The following CHRNB1 variants were observed in gnomAD, a reference collection of about 807,000 sequenced individuals.
CHRNB1 encodes the protein cholinergic receptor nicotinic beta 1 subunit, also known as acetylcholine receptor subunit beta.
A neutral mutation model predicts 53.8 loss-of-function variants in CHRNB1; 47 were observed. The observed-to-expected ratio is 0.87, with a 90% CI of 0.69 to 1.11. CHRNB1 has a LOEUF of 1.11. CHRNB1 is among the 50% of genes most tolerant of loss of function. CHRNB1 has a pLI of 0.00. For synonymous variants in CHRNB1, 259 were observed against 263.5 expected, an observed-to-expected ratio of 0.98 and a Z score of 0.16; for missense variants, 605 against 654.9, an observed-to-expected ratio of 0.92 and a Z score of 0.83.
rs955666458 is a variant in CHRNB1, at chr17:7,455,530, C to T, written c.1217+74C>T. The T allele has an allele frequency of 3.8e-6, 6 of 1,570,570 alleles. No individual in the cohort carries two copies. The East Asian group carries it at 9.0e-5, about 23-fold the overall frequency. ...TTCCCAGAAGAGTGTGCGGAAGAAGCGGCCCATGCTCTCGGAAGACGCTGT... is the reference window on the plus strand; with the variant it reads ...TTCCCAGAAGAGTGTGCGGAAGAAGTGGCCCATGCTCTCGGAAGACGCTGT... On this transcript the variant is annotated intron_variant, in intron 9 of 10. Coordinates refer to ENST00000306071, the MANE Select transcript of CHRNB1 (RefSeq NM_000747.3).
In CHRNB1 at chr17:7,447,227, C is replaced by A; in HGVS notation, c.462+76C>A. On this transcript the variant is annotated intron_variant, in intron 5 of 10. Transcript: ENST00000306071. The stretch of plus-strand genomic sequence containing the variant: ...TTCCTTAGACATCCTGACTCCCCGG[C>A]GACTCCCATCCTTCATCCTTCCCCC... 5.0e-6 allele frequency: 6 copies of A among 1,189,966 alleles called. 1 individual carries two copies. The highest frequency in any genetic ancestry group is 3.7e-6 in the Non-Finnish European group (3 of 809,878). The allele number at this position is 1,189,966 out of a possible 1,614,324, so 73.7% of individuals were successfully genotyped here. A position where few individuals can be genotyped will look rare whatever the true frequency, so the allele number is the denominator to read the frequency against.
rs760206481 is a variant in CHRNB1 at position 7,446,981 on chromosome 17, C to T, written c.353+39C>T. ...CAAAGCCCGGGAGGTGGCGCGGGGC[C>T]TCGGGGGGCGGGGGGCCTCCGGGCG... On this transcript the variant is annotated intron_variant, in intron 4 of 10. Transcript: ENST00000306071. The T allele has an allele frequency of 1.9e-5, 30 of 1,568,114 alleles. No homozygotes were observed. The Admixed American group carries it at 2.5e-4, about 13-fold the overall frequency.
In CHRNB1 at chr17:7,455,920, G is replaced by A; in HGVS notation, c.1344G>A (p.Gln448=). ...SSISYIARQL[Q]EQEDHDALKE... ...TCAGCTACATCGCTCGACAGCTGCA[G>A]GAACAGGAGGACCACGATGCGGTAT... The change falls in exon 10 of 11, where the codon CAG becomes CAA. Residue 448 remains glutamine (Q), a synonymous_variant. Transcript: ENST00000306071. 1.2e-6 allele frequency: 2 copies of A among 1,614,124 alleles called. No individual in the cohort carries two copies. Among genetic ancestry groups the A allele is most frequent in the Non-Finnish European group, 1.7e-6 (2 of 1,180,028 alleles).
At chr17:7,448,862 G>GAAAACCCTGCCT in intron 7 of CHRNB1, 74 bp downstream of exon 7, 1 of 1,517,118 alleles carries the variant, frequency 6.6e-7, no homozygotes, top group Non-Finnish European at 9.1e-7. Context: ...ATCCAGGCAG[G>GAAAACCCTGCCT]GTTTTCCTGC....
intron 4 of CHRNB1, 32 bp from the exon 5 acceptor site, chr17:7,447,011 G>A: frequency 1.2e-6 from 2 of 1,611,346 alleles, no homozygotes; most frequent in Non-Finnish European, 1.7e-6. Flanking sequence ...CGGGCGCGGG[G>A]CCTGATCCCT....
rs917703984 is a variant in CHRNB1, at chr17:7,446,043, T to A, written c.199-26T>A. 2.5e-6 allele frequency: 4 copies of A among 1,612,508 alleles called. No homozygotes were observed. In the African/African-American group the frequency reaches 5.3e-5, roughly 22 times the overall value. On this transcript the variant is annotated intron_variant, in intron 2 of 10. Transcript: ENST00000306071. ...CATTTCTCTCCACCCTACTTCACCTTTACGCCTTAAATTTTTCCCTTCTAG... is the reference window on the plus strand; with the variant it reads ...CATTTCTCTCCACCCTACTTCACCTATACGCCTTAAATTTTTCCCTTCTAG...
chr17:7,446,089 G>A lies in CHRNB1; in HGVS notation c.219G>A (p.Met73Ile), dbSNP rs1908599531. The stretch of plus-strand genomic sequence containing the variant: ...TCTAGAACGAGAAGGATGAAGAGAT[G>A]AGCACAAAGGTGTACTTAGACCTGG... ...LISLNEKDEE[M>I]STKVYLDLEW... The change falls in exon 3 of 11, where the codon ATG becomes ATA. Residue 73 changes from methionine to isoleucine, a missense_variant. Physicochemically the swap from Met to Ile is conservative, Grantham distance 10. Transcript: ENST00000306071. 2 of 1,613,928 alleles carry A rather than the reference G, an allele frequency of 1.2e-6. No individual in the cohort carries two copies. The highest frequency in any genetic ancestry group is 1.7e-6 in the Non-Finnish European group (2 of 1,179,968).
chr17:7,454,181 T>C, intron 7 of CHRNB1, 116 bp from the exon 8 acceptor site: 1 of 909,668 alleles, frequency 1.1e-6, no homozygotes, highest in South Asian at 1.3e-5. Flanking sequence ...TGTGAACCAC[T>C]GTGCCTGGCT....
At chr17:7,447,358 C>T (rs994428127) in intron 5 of CHRNB1, 145 bp from the exon 6 acceptor site, 21 of 1,020,220 alleles carry the variant, frequency 2.1e-5, no homozygotes, top group African/African-American at 3.2e-5. Flanking sequence ...CCGCCCTCCC[C>T]ATCCCTCCCC....
chr17:7,452,260 G>T (rs1329942159), intron 7 of CHRNB1, among the ~76,000 whole-genome samples: 1 of 152,210 alleles, frequency 6.6e-6, no homozygotes, highest in South Asian at 2.1e-4. Context: ...GTTTCGCTAT[G>T]TTGGCCAGGC....
chr17:7,449,571 C>A (rs1567678177), intron 7 of CHRNB1, among the ~76,000 whole-genome samples: 1 of 151,800 alleles, frequency 6.6e-6, no homozygotes, highest in Non-Finnish European at 1.5e-5. Flanking sequence ...TCATGCCCAG[C>A]TGATTTTTTT....
chr17:7,451,367 C>T (rs1908884745), intron 7 of CHRNB1, among the ~76,000 whole-genome samples: 2 of 149,660 alleles, frequency 1.3e-5, no homozygotes, highest in Admixed American at 1.3e-4. Context: ...ACCTCCACCT[C>T]CCAGGTTCAA....
chr17:7,446,241 TC>T, intron 3 of CHRNB1, 128 bp downstream of exon 3: 1 of 836,276 alleles, frequency 1.2e-6, no homozygotes, highest in African/African-American at 1.7e-5. Context: ...AAGCAAAAGC[TC>T]GAAGAAACAA....
rs141174329 is a variant in CHRNB1 at position 7,455,303 on chromosome 17, C to A, written c.1064C>A (p.Pro355Gln). ...CTGCAGATCTTCATTCACAAACTTC[C>A]GCTGTACCTGCGTCTAAAAAGGCCC... is the stretch of plus-strand genomic sequence containing the variant. Reference protein sequence around the residue: ...WVRQIFIHKLPLYLRLKRPKP... With the variant: ...WVRQIFIHKLQLYLRLKRPKP... Residue 355 changes from proline to glutamine, a missense_variant, in exon 9 of 11, where the codon CCG becomes CAG. Pro to Gln is a moderately conservative substitution (Grantham distance 76). Coordinates refer to ENST00000306071, the MANE Select transcript of CHRNB1 (RefSeq NM_000747.3). 3 of 1,613,944 alleles carry A rather than the reference C, an allele frequency of 1.9e-6. No individual in the cohort carries two copies. The highest frequency in any genetic ancestry group is 2.5e-6 in the Non-Finnish European group (3 of 1,180,028).
chr17:7,456,769 G>A lies in CHRNB1; in HGVS notation c.*46G>A, dbSNP rs2069957237. 1.9e-6 allele frequency: 3 copies of A among 1,612,622 alleles called. No individual in the cohort carries two copies. The highest frequency in any genetic ancestry group is 2.7e-5 in the African/African-American group (2 of 74,890). ...AGGCCCCCTGCCAGTTGAAGTGAGA[G>A]TTTGGTGATACTGTCAAGCCCTATC... On this transcript the variant is annotated 3_prime_UTR_variant, in exon 11 of 11. Transcript: ENST00000306071.
At chr17:7,446,303 T>TGTG in intron 3 of CHRNB1, 190 bp downstream of exon 3, 1 of 477,614 alleles carries the variant, frequency 2.1e-6, no homozygotes. Flanking sequence ...AATTCCAATT[T>TGTG]TGTGTGTGTG....
chr17:7,447,015 G>A (rs369128541), intron 4 of CHRNB1, 28 bp from the exon 5 acceptor site: 41 of 1,612,004 alleles, frequency 2.5e-5, no homozygotes, highest in East Asian at 1.8e-4. Context: ...CGCGGGGCCT[G>A]ATCCCTGATG....
intron 10 of CHRNB1, among the ~76,000 whole-genome samples, chr17:7,456,178 C>A (rs559957562): frequency 2.0e-5 from 3 of 151,360 alleles, no homozygotes; most frequent in Non-Finnish European, 4.4e-5. Context: ...CTCAGCCTGC[C>A]GAGTAGCTGG....
rs1305635694 is a variant in CHRNB1, at chr17:7,455,452, A to G, written c.1213A>G (p.Asn405Asp). Residue 405 changes from asparagine to aspartate, a missense_variant, in exon 9 of 11, where the codon AAT (asparagine) becomes GAT (aspartate). Physicochemically the swap from Asn to Asp is conservative, Grantham distance 23. Transcript: ENST00000306071. The part of the protein sequence containing the change: ...PPSDFLFPKP[N>D]RFQPELSAPD... The stretch of plus-strand genomic sequence containing the variant: ...AAGTGATTTTCTCTTCCCCAAACCC[A>G]ATAGGTAGGACTACGCCCGTTACCC... 2.5e-6 allele frequency: 4 copies of G among 1,613,966 alleles called. No individual in the cohort carries two copies. The highest frequency in any genetic ancestry group is 2.2e-5 in the East Asian group (1 of 44,894).
Sources: allele counts gnomAD v4.1 joint callset (sites outside exome capture counted in the v4.1 genomes callset), GRCh38; gene constraint gnomAD v4.1.1; transcripts MANE v1.5; gene names NCBI Gene and HGNC (gene_info 2026-07-23, HGNC 2026-07-21).